The following CTNNA3 variants were observed in gnomAD, a reference collection of about 807,000 sequenced individuals.
CTNNA3 encodes the protein catenin alpha 3.
Under a neutral mutation model 95.7 loss-of-function variants are expected in CTNNA3, and 76 were observed. The observed-to-expected ratio is 0.79, with a 90% confidence interval of 0.66 to 0.96. CTNNA3 has a LOEUF of 0.96. Ranked by LOEUF, CTNNA3 falls within the 40% of genes least tolerant of loss-of-function variation. CTNNA3 has a pLI of 0.00. For missense variants in CTNNA3, 1,191 were observed against 1,089.8 expected, an observed-to-expected ratio of 1.09 and a Z score of -1.31; for synonymous variants, 431 against 374.4, an observed-to-expected ratio of 1.15 and a Z score of -1.74.
At chr10:67,333,777 C>T (rs1196072287) in intron 5 of CTNNA3, among the ~76,000 whole-genome samples, 1 of 152,028 alleles carries the variant, frequency 6.6e-6, no homozygotes, top group African/African-American at 2.4e-5. Context: ...GCCTCAGTTG[C>T]CTCATGTGAA....
At position 66,280,635 on chromosome 10, in the gene CTNNA3, G is replaced by C; in HGVS notation, c.1733-14C>G. On this transcript the variant is annotated splice_polypyrimidine_tract_variant and intron_variant, in intron 12 of 17. Coordinates refer to ENST00000433211, the MANE Select transcript of CTNNA3 (RefSeq NM_013266.4). ...ATTCAGGAATTACTGTTAAAATAAA[G>C]AATAAGGAGAAGATTGTCCTCTTTG... The C allele has an allele frequency of 6.3e-7, 1 of 1,591,284 alleles. No homozygotes were observed. The highest frequency in any genetic ancestry group is 8.5e-7 in the Non-Finnish European group (1 of 1,169,774).
intron 5 of CTNNA3, among the ~76,000 whole-genome samples, chr10:67,364,687 AAGG>A (rs1453086433): frequency 6.6e-6 from 1 of 152,208 alleles, no homozygotes; most frequent in Non-Finnish European, 1.5e-5. Flanking sequence ...GGCCCTCTTC[AAGG>A]AGAACTACAA....
intron 10 of CTNNA3, among the ~76,000 whole-genome samples, chr10:66,597,042 G>GA (rs1323851488): frequency 6.6e-6 from 1 of 151,590 alleles, no homozygotes; most frequent in Non-Finnish European, 1.5e-5. Flanking sequence ...TTAATGAAAT[G>GA]AAAAAATATA....
chr10:66,299,713 C>A (rs1285092778), intron 12 of CTNNA3, among the ~76,000 whole-genome samples: 5 of 151,702 alleles, frequency 3.3e-5, no homozygotes, highest in Admixed American at 3.3e-4. Flanking sequence ...GAATGAAACA[C>A]AAAGAATAAC....
At chr10:67,701,333 C>A (rs1345862637) in intron 1 of CTNNA3, among the ~76,000 whole-genome samples, 1 of 151,998 alleles carries the variant, frequency 6.6e-6, no homozygotes, top group Non-Finnish European at 1.5e-5. Flanking sequence ...TCAGATTCAC[C>A]AAAGTTGAAA....
intron 9 of CTNNA3, among the ~76,000 whole-genome samples, chr10:66,694,517 G>A (rs913057420): frequency 1.4e-4 from 22 of 152,192 alleles, no homozygotes; most frequent in South Asian, 2.1e-4. Flanking sequence ...ATTCACAGCC[G>A]AATTCTACCA....
intron 11 of CTNNA3, among the ~76,000 whole-genome samples, chr10:66,405,835 T>G (rs2093053016): frequency 6.6e-6 from 1 of 152,192 alleles, no homozygotes. Flanking sequence ...GGTTTTGTAA[T>G]TTGATCCAAG....
At chr10:67,089,191 A>G (rs1336991394) in intron 7 of CTNNA3, among the ~76,000 whole-genome samples, 1 of 152,008 alleles carries the variant, frequency 6.6e-6, no homozygotes, top group Non-Finnish European at 1.5e-5. Flanking sequence ...TGTACTTGTG[A>G]CCTCAGAATA....
At position 67,143,239 on chromosome 10, in the gene CTNNA3, A is replaced by G. The variant is rs574166550; in HGVS notation, c.1047+37078T>C. 5.9e-5 allele frequency among the ~76,000 whole-genome samples: 9 copies of G among 152,014 alleles called. No homozygotes were observed. In the South Asian group the frequency reaches 1.9e-3, roughly 32 times the overall value. On this transcript the variant is annotated intron_variant, in intron 7 of 17. Coordinates refer to ENST00000433211, the MANE Select transcript of CTNNA3 (RefSeq NM_013266.4). ...GTGGATCACCTGAGGTCAGGAGTTCAAAACCAGCCTTGCCAACATGGCAAA... is the reference window on the plus strand; with the variant it reads ...GTGGATCACCTGAGGTCAGGAGTTCGAAACCAGCCTTGCCAACATGGCAAA...
intron 7 of CTNNA3, among the ~76,000 whole-genome samples, chr10:66,796,364 C>T (rs1841190240): frequency 6.6e-6 from 1 of 151,990 alleles, no homozygotes; most frequent in South Asian, 2.1e-4. Context: ...TTGGGGAACA[C>T]CAGTTGGAAG....
At chr10:66,876,675 G>A (rs1037015139) in intron 7 of CTNNA3, among the ~76,000 whole-genome samples, 4 of 142,180 alleles carry the variant, frequency 2.8e-5, no homozygotes, top group Admixed American at 2.1e-4. Flanking sequence ...TTCTAAATTC[G>A]GCCCTAACAA....
chr10:67,019,542 T>G (rs1217657502), intron 7 of CTNNA3, among the ~76,000 whole-genome samples: 1 of 152,192 alleles, frequency 6.6e-6, no homozygotes, highest in Non-Finnish European at 1.5e-5. Context: ...TAATTGATTC[T>G]TGCAAGAACT....
chr10:67,188,473 T>C (rs1045614337), intron 6 of CTNNA3, among the ~76,000 whole-genome samples: 2 of 152,046 alleles, frequency 1.3e-5, no homozygotes, highest in Admixed American at 6.6e-5. Flanking sequence ...CCATAGAACA[T>C]GGAATTGAAA....
At chr10:65,949,264 C>A (rs1394067243) in intron 17 of CTNNA3, among the ~76,000 whole-genome samples, 1 of 152,198 alleles carries the variant, frequency 6.6e-6, no homozygotes, top group Non-Finnish European at 1.5e-5. Flanking sequence ...CACATTTTCG[C>A]TCCATCAGTT....
chr10:66,853,725 A>G (rs77392274), intron 7 of CTNNA3, among the ~76,000 whole-genome samples: 5,451 of 152,064 alleles, frequency 0.036, 327 homozygotes, highest in African/African-American at 0.13. Flanking sequence ...AGACAAAAAA[A>G]TTCTGCCGAA....
chr10:66,261,070 A>G (rs1429044489), intron 13 of CTNNA3, among the ~76,000 whole-genome samples: 2 of 152,092 alleles, frequency 1.3e-5, no homozygotes, highest in Non-Finnish European at 2.9e-5. Flanking sequence ...GGTTGCTTTA[A>G]GGTAAAATGA....
At chr10:66,865,984 A>C (rs186221524) in intron 7 of CTNNA3, among the ~76,000 whole-genome samples, 82 of 152,284 alleles carry the variant, frequency 5.4e-4, no homozygotes, top group African/African-American at 1.8e-3. Context: ...ATTCTTATCT[A>C]TACTCTTAAT....
At chr10:66,443,327 A>G (rs187687213) in intron 11 of CTNNA3, among the ~76,000 whole-genome samples, 2 of 152,200 alleles carry the variant, frequency 1.3e-5, no homozygotes, top group African/African-American at 4.8e-5. Context: ...CCCAGCACGC[A>G]GCTGGAGATC....
chr10:66,375,841 C>T (rs1346452860), intron 12 of CTNNA3, among the ~76,000 whole-genome samples: 1 of 152,088 alleles, frequency 6.6e-6, no homozygotes, highest in Non-Finnish European at 1.5e-5. Context: ...AGACAAAAAA[C>T]ATGTAACTAT....
Sources: gnomAD v4.1 joint callset for allele counts (sites outside exome capture counted in the v4.1 genomes callset) on GRCh38, gnomAD v4.1.1 for gene constraint, MANE v1.5 for transcripts, NCBI Gene and HGNC (gene_info 2026-07-23, HGNC 2026-07-21) for gene names.